The following RPL18A variants were observed in gnomAD, a reference collection of about 807,000 sequenced individuals.
The protein encoded by RPL18A is large ribosomal subunit protein eL20.
For missense variants in RPL18A, 163 were observed against 254.1 expected, an observed-to-expected ratio of 0.64 and a Z score of 2.44; for synonymous variants, 122 against 96.9, an observed-to-expected ratio of 1.26 and a Z score of -1.52.
intron 2 of RPL18A, 178 bp downstream of exon 2, chr19:17,861,650 G>T (rs946314818): frequency 1.5e-5 from 9 of 610,538 alleles, no homozygotes; most frequent in Middle Eastern, 4.3e-4. Context: ...GACTGGAGCA[G>T]AGCTTATGTG....
chr19:17,862,334 G>A (rs1001875539), intron 3 of RPL18A, 111 bp downstream of exon 3: 26 of 1,345,982 alleles, frequency 1.9e-5, no homozygotes, highest in South Asian at 2.7e-5. Flanking sequence ...GACTGGTGGC[G>A]GGGCACAGGA....
In RPL18A at chr19:17,863,248, C is replaced by G; in HGVS notation, c.516C>G (p.Pro172=). ...QHKPRFTTKR[P]NTFF ...AGCCACGCTTCACCACCAAGAGGCCCAACACCTTCTTCTAGGTGCAGGGCC... is the reference window on the plus strand; with the variant it reads ...AGCCACGCTTCACCACCAAGAGGCCGAACACCTTCTTCTAGGTGCAGGGCC... The change falls in exon 5 of 5, where the codon CCC becomes CCG. Residue 172 remains proline (P), a synonymous_variant. Coordinates refer to ENST00000222247, the MANE Select transcript of RPL18A (RefSeq NM_000980.4). 1 of 1,595,132 alleles carries G rather than the reference C, an allele frequency of 6.3e-7. No homozygotes were observed. Among genetic ancestry groups the G allele is most frequent in the Non-Finnish European group, 8.6e-7 (1 of 1,164,860 alleles).
intron 3 of RPL18A, chr19:17,862,558 C>T: frequency 1.4e-6 from 1 of 701,820 alleles, no homozygotes. Flanking sequence ...GCTCACCTGC[C>T]AGGGTCTGTG....
intron 1 of RPL18A, chr19:17,860,437 A>G (rs975152313): frequency 1.9e-5 from 3 of 159,398 alleles, no homozygotes; most frequent in East Asian, 1.9e-4. Context: ...GATAGAATCA[A>G]ACGGCTCTAT....
chr19:17,861,996 G>T, intron 2 of RPL18A, 98 bp from the exon 3 acceptor site: 2 of 1,416,768 alleles, frequency 1.4e-6, no homozygotes, highest in Non-Finnish European at 1.9e-6. Context: ...TAGGCCTGGA[G>T]CCTGGGGTGT....
At chr19:17,861,265 C>G in intron 1 of RPL18A, 28 bp from the exon 2 acceptor site, 10 of 1,609,826 alleles carry the variant, frequency 6.2e-6, no homozygotes, top group Non-Finnish European at 8.5e-6. Flanking sequence ...TGGGTGCTGG[C>G]CTTACCCTCA....
At chr19:17,861,836 A>C in intron 2 of RPL18A, 1 of 558,020 alleles carries the variant, frequency 1.8e-6, no homozygotes, top group South Asian at 2.3e-5. Context: ...ACTTGAGTTC[A>C]GGAACTGCAT....
intron 1 of RPL18A, 175 bp from the exon 2 acceptor site, chr19:17,861,118 A>G (rs1403036178): frequency 1.2e-5 from 7 of 604,394 alleles, no homozygotes; most frequent in African/African-American, 1.9e-5. Context: ...TTTTGTGTAT[A>G]AAGTTGTGGT....
At chr19:17,862,572 C>T (rs753955609) in intron 3 of RPL18A, 1 of 701,458 alleles carries the variant, frequency 1.4e-6, no homozygotes, top group East Asian at 2.9e-5. Context: ...GTCTGTGAGA[C>T]CCCCACACCT....
intron 2 of RPL18A, chr19:17,861,691 A>G (rs910882330): frequency 3.5e-5 from 20 of 578,134 alleles, no homozygotes; most frequent in Admixed American, 6.4e-5. Context: ...CCAGGGACCC[A>G]GGGAGCGGGT....
chr19:17,862,488 G>T (rs1018043517), intron 3 of RPL18A: 29 of 680,662 alleles, frequency 4.3e-5, no homozygotes, highest in African/African-American at 3.5e-4. Flanking sequence ...TGTTTTCTGG[G>T]ACCCACTGAG....
chr19:17,861,943 A>G, intron 2 of RPL18A, 151 bp from the exon 3 acceptor site: 1 of 837,638 alleles, frequency 1.2e-6, no homozygotes, highest in Non-Finnish European at 1.8e-6. Context: ...GCCTGAAGGT[A>G]GGTGGGGCTG....
chr19:17,862,641 G>T, intron 3 of RPL18A: 1 of 734,776 alleles, frequency 1.4e-6, no homozygotes, highest in Non-Finnish European at 2.5e-6. Context: ...TTAAACAGAG[G>T]TGCAAACAGC....
intron 3 of RPL18A, chr19:17,862,543 C>G (rs767999627): frequency 1.0e-5 from 7 of 700,048 alleles, no homozygotes; most frequent in African/African-American, 1.7e-5. Context: ...GGCACCTTTT[C>G]CCTGGCTCAC....
At chr19:17,863,142 C>A in intron 4 of RPL18A, 29 bp from the exon 5 acceptor site, 2 of 1,588,326 alleles carry the variant, frequency 1.3e-6, no homozygotes, top group South Asian at 1.1e-5. Context: ...AGGCTTCCAA[C>A]CCCCTCAACA....
rs756966956 is a variant in RPL18A at position 17,861,278 on chromosome 19, C to A, written c.19-15C>A. ...TCTGGGTGCTGGCCTTACCCTCACT[C>A]CTGTTTCCTTTCAGCTACGAGAGTA... is the stretch of plus-strand genomic sequence containing the variant. On this transcript the variant is annotated splice_polypyrimidine_tract_variant and intron_variant, in intron 1 of 4. Transcript: ENST00000222247. 4 of 1,613,340 alleles carry A rather than the reference C, an allele frequency of 2.5e-6. No individual in the cohort carries two copies. Among genetic ancestry groups the A allele is most frequent in the Non-Finnish European group, 3.4e-6 (4 of 1,179,570 alleles).
chr19:17,861,020 C>A, intron 1 of RPL18A: 1 of 490,562 alleles, frequency 2.0e-6, no homozygotes, highest in Non-Finnish European at 3.6e-6. Flanking sequence ...TAAGCCACAG[C>A]TTTCCTGGTC....
Position 17,859,935 on chromosome 19 carries a change from C to A in RPL18A, c.-22C>A, listed in dbSNP as rs1373988186. 1.3e-6 allele frequency: 2 copies of A among 1,541,888 alleles called. No individual in the cohort carries two copies. The highest frequency in any genetic ancestry group is 2.6e-5 in the East Asian group (1 of 39,196). On this transcript the variant is annotated 5_prime_UTR_variant, in exon 1 of 5. Coordinates refer to ENST00000222247, the MANE Select transcript of RPL18A (RefSeq NM_000980.4). ...AGAGGACACTTCCTTTTGCGGGTGG[C>A]GGCGAACGCGGAGAGCACGCCATGA...
In RPL18A at chr19:17,859,971, C is replaced by A; in HGVS notation, c.15C>A (p.Gly5=). 1 of 1,530,142 alleles carries A rather than the reference C, an allele frequency of 6.5e-7. No homozygotes were observed. The highest frequency in any genetic ancestry group is 2.1e-5 in the Admixed American group (1 of 47,614). The allele number at this position is 1,530,142 out of a possible 1,614,324, so 94.8% of individuals were successfully genotyped here. A position where few individuals can be genotyped will look rare whatever the true frequency, so the allele number is the denominator to read the frequency against. ...GAGAGCACGCCATGAAGGCCTCGGG[C>A]ACGGTAAGGCGGGCGCGGCGCGGCA... MKAS[G]TLREYKVVGR... is the part of the protein sequence containing the mutation. The change falls in exon 1 of 5, where the codon GGC becomes GGA. Residue 5 remains glycine (G), a synonymous_variant. Transcript: ENST00000222247.
Sources: gnomAD v4.1 joint callset for allele counts on GRCh38, gnomAD v4.1.1 for gene constraint, MANE v1.5 for transcripts, NCBI Gene and HGNC (gene_info 2026-07-23, HGNC 2026-07-21) for gene names.